Variants in KIF3A observed in about 807,000 individuals in gnomAD.
The protein encoded by KIF3A is kinesin family member 3A, also known as kinesin-like protein KIF3A.
In KIF3A, 27 loss-of-function variants were observed where a neutral mutation model predicts 92.6. The observed-to-expected ratio is 0.29, with a 90% CI of 0.21 to 0.40. The LOEUF is 0.40. Ranked by LOEUF, KIF3A falls within the 10% of genes least tolerant of loss-of-function variation. The probability of loss-of-function intolerance (pLI) is 1.00; values close to 1 mark genes in which losing one functional copy is unlikely to be tolerated. For missense variants in KIF3A, 581 were observed against 872.6 expected (o/e 0.67, Z 4.21); for synonymous variants, 250 against 275.4 (o/e 0.91, Z 0.92).
chr5:132,731,618 T>G (rs1023233408), intron 2 of KIF3A, among the ~76,000 whole-genome samples: 1 of 152,254 alleles, frequency 6.6e-6, no homozygotes, highest in South Asian at 2.1e-4. Context: ...TCTAATTTAC[T>G]GGAGGTTCTA....
intron 5 of KIF3A, 112 bp downstream of exon 5, chr5:132,720,497 C>T (rs1415814287): frequency 6.7e-6 from 4 of 596,486 alleles, no homozygotes; most frequent in Non-Finnish European, 1.2e-5. Flanking sequence ...GAATGGTTTT[C>T]AAGAAACCTA....
At chr5:132,737,222 T>C (rs1261013756) in intron 1 of KIF3A, among the ~76,000 whole-genome samples, 192 bp downstream of exon 1, 2 of 152,204 alleles carry the variant, frequency 1.3e-5, no homozygotes, top group African/African-American at 2.4e-5. Flanking sequence ...CAGGTCCCTG[T>C]CGAGGCCGGC....
In KIF3A at chr5:132,693,318, C is replaced by T. The variant is rs941031068; in HGVS notation, c.*3316G>A. ...AGAATCTAAACACAAATAGGAAACA[C>T]GATGATAATTTTAACATCCTATTAG... On this transcript the variant is annotated 3_prime_UTR_variant, in exon 19 of 19. Coordinates refer to ENST00000403231, the MANE Select transcript of KIF3A (RefSeq NM_001300791.2). 6.6e-6 allele frequency: 1 copy of T among 152,140 alleles called. No individual in the cohort carries two copies. Among genetic ancestry groups the T allele is most frequent in the Non-Finnish European group, 1.5e-5 (1 of 67,988 alleles). 9.4% of individuals were successfully genotyped at this position (152,140 alleles called of 1,614,324 possible). A position where few individuals can be genotyped will look rare whatever the true frequency, so the allele number is the denominator to read the frequency against.
chr5:132,703,585 T>A lies in KIF3A; in HGVS notation c.1344A>T (p.Glu448Asp). Residue 448 changes from glutamate (E) to aspartate (D), a missense_variant, in exon 12 of 19, where the codon GAA (glutamate) becomes GAT (aspartate). Glu to Asp is a conservative substitution (Grantham distance 45). Coordinates refer to ENST00000403231, the MANE Select transcript of KIF3A (RefSeq NM_001300791.2). Reference sequence around the variant, plus strand: ...TCTCCTCATCAATTTTTGCTTGCATTTCAATCATCTTGTCTGGGGAGACTT... The same window carrying A: ...TCTCCTCATCAATTTTTGCTTGCATATCAATCATCTTGTCTGGGGAGACTT... The part of the protein sequence containing the change: ...KKKVSPDKMI[E>D]MQAKIDEERK... The A allele has an allele frequency of 6.2e-7, 1 of 1,611,766 alleles. No individual in the cohort carries two copies. The highest frequency in any genetic ancestry group is 8.5e-7 in the Non-Finnish European group (1 of 1,178,970).
At chr5:132,724,493 G>A (rs1165529969) in intron 4 of KIF3A, among the ~76,000 whole-genome samples, 1 of 151,976 alleles carries the variant, frequency 6.6e-6, no homozygotes, top group African/African-American at 2.4e-5. Context: ...GTCCTTTGTA[G>A]GGACATGGAT....
At chr5:132,706,085 G>A (rs1383143418) in intron 11 of KIF3A, among the ~76,000 whole-genome samples, 1 of 151,932 alleles carries the variant, frequency 6.6e-6, no homozygotes, top group African/African-American at 2.4e-5. Flanking sequence ...AACCGGCCAG[G>A]GTAAGTCAAA....
chr5:132,736,225 CTT>C (rs1210284080), intron 1 of KIF3A, among the ~76,000 whole-genome samples: 1 of 152,204 alleles, frequency 6.6e-6, no homozygotes, highest in African/African-American at 2.4e-5. Flanking sequence ...CCACAAATTT[CTT>C]TTGTTTGGTT....
In KIF3A at chr5:132,699,180, G is replaced by A; in HGVS notation, c.2123C>T (p.Thr708Ile). 6.2e-7 allele frequency: 1 copy of A among 1,613,980 alleles called. No homozygotes were observed. Among genetic ancestry groups the A allele is most frequent in the Non-Finnish European group, 8.5e-7 (1 of 1,179,898 alleles). ...RTSKGKARPK[T>I]GRRKRSAKPE... ...CAAGGACAGTCCTTACCTTCTCCCT[G>A]TCTTTGGCCTTGCTTTCCCCTTTGA... The change falls in exon 18 of 19, where the codon ACA (threonine) becomes ATA (isoleucine). Residue 708 changes from threonine to isoleucine, a missense_variant. Physicochemically the swap from Thr to Ile is moderately conservative, Grantham distance 89. Coordinates refer to ENST00000403231, the MANE Select transcript of KIF3A (RefSeq NM_001300791.2).
chr5:132,716,036 T>C (rs1330452209), intron 7 of KIF3A, 105 bp from the exon 8 acceptor site: 4 of 939,898 alleles, frequency 4.3e-6, no homozygotes, highest in Non-Finnish European at 6.3e-6. Flanking sequence ...ATATGCACCC[T>C]TGGCCTTCTC....
rs772455126 is a variant in KIF3A, at chr5:132,726,262, CG to C, written c.426-51del. On this transcript the variant is annotated intron_variant, in intron 3 of 18. Transcript: ENST00000403231. ...TCAAAGAGTGAAATATTCATAAGAA[CG>C]GTTTTAAAATATGTTTATAAAATTT... The C allele has an allele frequency of 1.1e-5, 18 of 1,575,724 alleles. No individual in the cohort carries two copies. The East Asian group carries it at 2.5e-4, about 22-fold the overall frequency.
In KIF3A at chr5:132,720,609, G is replaced by A. The variant is rs762622525; in HGVS notation, c.616C>T (p.Arg206Cys). Residue 206 changes from arginine (R) to cysteine (C), a missense_variant and splice_region_variant, in exon 5 of 19, where the codon CGT becomes TGT. Coordinates refer to ENST00000403231, the MANE Select transcript of KIF3A (RefSeq NM_001300791.2). ...DRIMTLGHKN[R>C]SVGATNMNEH... ...AATCACAATTACACACTATACTTACGATTTTTGTGGCCTAGCGTCATAATT... is the reference window on the plus strand; with the variant it reads ...AATCACAATTACACACTATACTTACAATTTTTGTGGCCTAGCGTCATAATT... 5 of 1,591,936 alleles carry A rather than the reference G, an allele frequency of 3.1e-6. No homozygotes were observed. Among genetic ancestry groups the A allele is most frequent in the East Asian group, 4.5e-5 (2 of 44,682 alleles).
rs1309029417 is a variant in KIF3A, at chr5:132,706,350, A to G, written c.1309+101T>C. 8 of 765,898 alleles carry G rather than the reference A, an allele frequency of 1.0e-5. No individual in the cohort carries two copies. The Admixed American group carries it at 2.7e-4, about 26-fold the overall frequency. The allele number at this position is 765,898 out of a possible 1,614,324, so 47.4% of individuals were successfully genotyped here. Reference sequence around the variant, plus strand: ...TACAAAAGATAGATACTTACCTGGTAAAAAAACTACTAAATTTTAAAAATT... The same window carrying G: ...TACAAAAGATAGATACTTACCTGGTGAAAAAACTACTAAATTTTAAAAATT... On this transcript the variant is annotated intron_variant, in intron 11 of 18. Transcript: ENST00000403231.
chr5:132,711,082 T>C (rs745625185), intron 8 of KIF3A, 25 bp from the exon 9 acceptor site: 2 of 1,603,744 alleles, frequency 1.2e-6, no homozygotes, highest in South Asian at 1.1e-5. Flanking sequence ...TAATACAATG[T>C]TTTTTATCCT....
chr5:132,691,173 T>A (rs1199484951), downstream of KIF3A, among the ~76,000 whole-genome samples: 2 of 152,222 alleles, frequency 1.3e-5, no homozygotes, highest in East Asian at 3.8e-4. Flanking sequence ...ACATTCTACA[T>A]ACACACTTCC....
At chr5:132,706,973 C>T (rs1753233791) in intron 10 of KIF3A, among the ~76,000 whole-genome samples, 1 of 152,136 alleles carries the variant, frequency 6.6e-6, no homozygotes, top group Non-Finnish European at 1.5e-5. Context: ...GCATGCTTCA[C>T]TTTAAGAAAA....
chr5:132,712,230 T>TG (rs1440905649), intron 8 of KIF3A, among the ~76,000 whole-genome samples: 3 of 152,178 alleles, frequency 2.0e-5, no homozygotes, highest in Non-Finnish European at 2.9e-5. Flanking sequence ...GAGAAGTGAA[T>TG]GATTCTAAGA....
intron 4 of KIF3A, among the ~76,000 whole-genome samples, chr5:132,724,719 C>A (rs1361203082): frequency 6.8e-6 from 1 of 147,788 alleles, no homozygotes; most frequent in Admixed American, 6.8e-5. Flanking sequence ...GTGCAGCACA[C>A]CAACATGGCA....
At chr5:132,721,118 C>T (rs551894718) in intron 4 of KIF3A, among the ~76,000 whole-genome samples, 81 of 151,746 alleles carry the variant, frequency 5.3e-4, no homozygotes, top group Admixed American at 9.8e-4. Context: ...ATTAACAAAC[C>T]GAAAAAGACA....
intron 9 of KIF3A, 98 bp downstream of exon 9, chr5:132,710,856 TATCTA>T: frequency 4.7e-6 from 7 of 1,479,282 alleles, no homozygotes; most frequent in Non-Finnish European, 6.5e-6. Context: ...TTCTAATTGT[TATCTA>T]ATATATTAAA....
Sources: gnomAD v4.1 joint callset for allele counts (sites outside exome capture counted in the v4.1 genomes callset) on GRCh38, gnomAD v4.1.1 for gene constraint, MANE v1.5 for transcripts, NCBI Gene and HGNC (gene_info 2026-07-23, HGNC 2026-07-21) for gene names.